ROBO1: variants seen among roughly 807,000 people sequenced by gnomAD.
ROBO1 encodes the protein roundabout guidance receptor 1, also known as roundabout homolog 1.
Under a neutral mutation model 195.9 loss-of-function variants are expected in ROBO1, and 149 were observed. That is an observed-to-expected ratio of 0.76 (90% CI 0.67 to 0.87). The LOEUF (loss-of-function observed/expected upper bound fraction) is 0.87. Ranked by LOEUF, ROBO1 falls within the 40% of genes least tolerant of loss-of-function variation. The pLI is 0.00. For missense variants in ROBO1, 1,933 were observed against 2,068.3 expected (o/e 0.93, Z 1.27); for synonymous variants, 816 against 733.2 (o/e 1.11, Z -1.82).
At chr3:79,141,567 G>T (rs1217478147) in intron 2 of ROBO1, among the ~76,000 whole-genome samples, 12 of 139,412 alleles carry the variant, frequency 8.6e-5, no homozygotes, top group East Asian at 6.3e-4. Flanking sequence ...TGCTGTTGTT[G>T]TTTTTTTTTT....
intron 4 of ROBO1, among the ~76,000 whole-genome samples, chr3:78,908,140 A>G (rs973731697): frequency 1.4e-4 from 18 of 127,078 alleles, no homozygotes; most frequent in African/African-American, 6.4e-4. Context: ...CAAAGAAGAA[A>G]TATATAACTG....
rs5850434 is a variant in ROBO1, at chr3:79,534,148, CAAAAAAAAAAAA to C, written c.88+55664_88+55675del. 1.7e-3 allele frequency among the ~76,000 whole-genome samples: 101 copies of C among 59,974 alleles called. 1 individual carries two copies. The highest frequency in any genetic ancestry group is 6.2e-4 in the African/African-American group (10 of 16,004). 39.3% of individuals were successfully genotyped at this position (59,974 alleles called of 152,430 possible). The stretch of plus-strand genomic sequence containing the variant: ...GGAAGACTCTAGATGCTGGGGAAGG[CAAAAAAAAAAAA>C]AAAAAAAAAAAAAAAAATCAATTCT... On this transcript the variant is annotated intron_variant, in intron 2 of 30. Transcript: ENST00000464233.
chr3:78,677,184 G>A (rs1389847027), intron 10 of ROBO1, among the ~76,000 whole-genome samples: 1 of 152,100 alleles, frequency 6.6e-6, no homozygotes, highest in Non-Finnish European at 1.5e-5. Flanking sequence ...TACTAAACGT[G>A]GAAAGGAACA....
chr3:79,098,662 T>C (rs983034128), intron 3 of ROBO1, among the ~76,000 whole-genome samples: 2 of 151,836 alleles, frequency 1.3e-5, no homozygotes, highest in African/African-American at 4.8e-5. Context: ...GTCTTAAAAA[T>C]AGATTATACA....
At chr3:78,764,991 C>A (rs2083193689) in intron 4 of ROBO1, among the ~76,000 whole-genome samples, 1 of 151,998 alleles carries the variant, frequency 6.6e-6, no homozygotes, top group Non-Finnish European at 1.5e-5. Context: ...GATTTTGATT[C>A]AAATCGTAGC....
At chr3:78,688,928 A>C (rs2081110634) in intron 8 of ROBO1, 156 bp from the exon 9 acceptor site, 1 of 733,328 alleles carries the variant, frequency 1.4e-6, no homozygotes, top group Non-Finnish European at 2.0e-6. Context: ...TTTGAAACTA[A>C]AATGTTAAGT....
chr3:79,234,026 T>A (rs1304303894), intron 2 of ROBO1, among the ~76,000 whole-genome samples: 2 of 137,204 alleles, frequency 1.5e-5, no homozygotes, highest in Admixed American at 7.0e-5. Context: ...GCCCACGTTT[T>A]AATGCAGTTG....
At chr3:79,361,772 C>G (rs1226595504) in intron 2 of ROBO1, among the ~76,000 whole-genome samples, 1 of 152,024 alleles carries the variant, frequency 6.6e-6, no homozygotes, top group African/African-American at 2.4e-5. Context: ...TGATTATTTT[C>G]TAGTATTGTA....
intron 2 of ROBO1, among the ~76,000 whole-genome samples, chr3:79,521,168 G>A (rs1297627390): frequency 6.6e-6 from 1 of 152,032 alleles, no homozygotes; most frequent in Non-Finnish European, 1.5e-5. Flanking sequence ...AATTATACTG[G>A]TTTCCTGTCT....
At chr3:78,979,654 G>T (rs1003612919) in intron 3 of ROBO1, among the ~76,000 whole-genome samples, 1 of 151,996 alleles carries the variant, frequency 6.6e-6, no homozygotes, top group Admixed American at 6.6e-5. Context: ...ACTAACCAAA[G>T]AGTTAAAACA....
At chr3:79,604,320 G>A (rs992010039) in intron 1 of ROBO1, among the ~76,000 whole-genome samples, 2 of 151,918 alleles carry the variant, frequency 1.3e-5, no homozygotes, top group Admixed American at 6.6e-5. Flanking sequence ...CTTATTTAAA[G>A]GTAATTATTA....
chr3:78,838,567 T>C (rs1454106134), intron 4 of ROBO1, among the ~76,000 whole-genome samples: 1 of 152,108 alleles, frequency 6.6e-6, no homozygotes, highest in Non-Finnish European at 1.5e-5. Context: ...AGAGATCACA[T>C]GGTAGGAGGG....
chr3:79,229,096 CT>C (rs2082276584), intron 2 of ROBO1, among the ~76,000 whole-genome samples: 1 of 152,034 alleles, frequency 6.6e-6, no homozygotes, highest in South Asian at 2.1e-4. Context: ...AATATATATT[CT>C]GTGCAAAAAG....
At chr3:79,474,402 C>T (rs1045114367) in intron 2 of ROBO1, among the ~76,000 whole-genome samples, 7 of 152,064 alleles carry the variant, frequency 4.6e-5, no homozygotes, top group Admixed American at 3.3e-4. Context: ...TGGAATTGGA[C>T]AAGTCCTATT....
intron 4 of ROBO1, among the ~76,000 whole-genome samples, chr3:78,897,762 A>T (rs569191643): frequency 3.3e-5 from 5 of 152,142 alleles, no homozygotes; most frequent in Non-Finnish European, 7.4e-5. Context: ...TATCTAAACA[A>T]GAAGAAAACT....
chr3:79,368,884 T>C (rs2036077746), intron 2 of ROBO1, among the ~76,000 whole-genome samples: 1 of 152,176 alleles, frequency 6.6e-6, no homozygotes, highest in Admixed American at 6.5e-5. Context: ...TTTTACATGA[T>C]GAAAGAGTTT....
intron 3 of ROBO1, among the ~76,000 whole-genome samples, chr3:79,096,779 A>C (rs1252059259): frequency 6.6e-6 from 1 of 150,988 alleles, no homozygotes; most frequent in Non-Finnish European, 1.5e-5. Context: ...TGTCCAAAGA[A>C]GTTGGAAAAC....
chr3:78,754,193 T>A (rs561361524), intron 4 of ROBO1, among the ~76,000 whole-genome samples: 1 of 152,206 alleles, frequency 6.6e-6, no homozygotes, highest in Non-Finnish European at 1.5e-5. Flanking sequence ...GTGCATTACA[T>A]CTGCAAAGAA....
At chr3:79,716,062 A>G (rs534060891) in intron 1 of ROBO1, among the ~76,000 whole-genome samples, 1 of 152,194 alleles carries the variant, frequency 6.6e-6, no homozygotes. Flanking sequence ...CCCTTTATAA[A>G]AAGTTATAGA....
Sources: gnomAD v4.1 joint callset for allele counts (sites outside exome capture counted in the v4.1 genomes callset) on GRCh38, gnomAD v4.1.1 for gene constraint, MANE v1.5 for transcripts, NCBI Gene and HGNC (gene_info 2026-07-23, HGNC 2026-07-21) for gene names.